Variants in TF observed in about 807,000 individuals in gnomAD.
TF encodes the protein serotransferrin.
Under a neutral mutation model 82.4 loss-of-function variants are expected in TF, and 55 were observed. The ratio of observed to expected loss-of-function variants is 0.67; its 90% CI spans 0.54 to 0.84. The LOEUF (loss-of-function observed/expected upper bound fraction) is 0.84, where lower values mean the gene tolerates loss of function less well. TF is among the 40% of genes least tolerant of loss of function. TF has a pLI of 0.00. For missense variants in TF, 737 were observed against 868.4 expected, an observed-to-expected ratio of 0.85 and a Z score of 1.90; for synonymous variants, 332 against 332.6, an observed-to-expected ratio of 1.00 and a Z score of 0.02.
In TF at chr3:133,794,546, C is replaced by T. The variant is rs1490302284; in HGVS notation, c.*15926C>T. 1 of 152,172 alleles carries T rather than the reference C, an allele frequency of 6.6e-6. No individual in the cohort carries two copies. The highest frequency in any genetic ancestry group is 2.4e-5 in the African/African-American group (1 of 41,442). 9.4% of individuals were successfully genotyped at this position (152,172 alleles called of 1,614,324 possible). A position where few individuals can be genotyped will look rare whatever the true frequency, so the allele number is the denominator to read the frequency against. On this transcript the variant is annotated 3_prime_UTR_variant, in exon 17 of 17. Transcript: ENST00000402696. ...TATGGTTCACTGAGGACAATCAACT[C>T]CTTCACAACCTAGAAACTGAAGATT...
chr3:133,744,640 G>A (rs760490695), upstream of TF, among the ~76,000 whole-genome samples: 18 of 152,184 alleles, frequency 1.2e-4, no homozygotes, highest in Non-Finnish European at 2.6e-4. Context: ...GAGTAAGACA[G>A]GGCAGCAGTG....
chr3:133,670,694 T>C, the TF span, among the ~76,000 whole-genome samples: 148 of 152,368 alleles, frequency 9.7e-4, no homozygotes, highest in Non-Finnish European at 1.7e-3. Flanking sequence ...ATCTGTTTGA[T>C]TTTTTGAGCC....
At chr3:133,758,099 A>G (rs1933890329) in intron 8 of TF, among the ~76,000 whole-genome samples, 153 bp downstream of exon 8, 1 of 152,184 alleles carries the variant, frequency 6.6e-6, no homozygotes, top group Non-Finnish European at 1.5e-5. Flanking sequence ...CTGATGCTGA[A>G]TGGCGTTAGT....
chr3:133,712,259 C>G, the TF span, among the ~76,000 whole-genome samples: 3 of 152,298 alleles, frequency 2.0e-5, no homozygotes, highest in South Asian at 2.1e-4. Context: ...CTGTGCCTCT[C>G]TAGACTCTTC....
At chr3:133,726,755 G>A in the TF span, among the ~76,000 whole-genome samples, 2 of 152,132 alleles carry the variant, frequency 1.3e-5, no homozygotes, top group East Asian at 3.8e-4. Flanking sequence ...ATGTTAGGGT[G>A]TCAATTTTGG....
At chr3:133,695,158 G>T in the TF span, among the ~76,000 whole-genome samples, 18 of 152,044 alleles carry the variant, frequency 1.2e-4, no homozygotes, top group African/African-American at 3.9e-4. Flanking sequence ...CTGCATGGGG[G>T]AGAAGTGAGG....
intron 5 of TF, 148 bp from the exon 6 acceptor site, chr3:133,756,134 G>A (rs1315844502): frequency 1.4e-6 from 1 of 734,512 alleles, no homozygotes; most frequent in Non-Finnish European, 2.4e-6. Context: ...CACTACGCTG[G>A]AGGTCTGCAC....
Position 133,784,634 on chromosome 3 carries a change from A to G in TF, c.*6014A>G, listed in dbSNP as rs1934610920. On this transcript the variant is annotated 3_prime_UTR_variant, in exon 17 of 17. Transcript: ENST00000402696. ...TAGAGCAGGAGTCCCCAACCCCTGG[A>G]TCTAGGTTGCACGCTCCTTATGAGA... is the stretch of plus-strand genomic sequence containing the variant. The G allele has an allele frequency of 6.6e-6, 1 of 152,096 alleles. No individual in the cohort carries two copies. Among genetic ancestry groups the G allele is most frequent in the Non-Finnish European group, 1.5e-5 (1 of 68,034 alleles). 9.4% of individuals were successfully genotyped at this position (152,096 alleles called of 1,614,324 possible).
At chr3:133,702,931 G>T in the TF span, among the ~76,000 whole-genome samples, 1 of 152,024 alleles carries the variant, frequency 6.6e-6, no homozygotes, top group South Asian at 2.1e-4. Context: ...ATATAACATT[G>T]CCTGGCATAT....
the TF span, among the ~76,000 whole-genome samples, chr3:133,726,006 C>A: frequency 4.1e-3 from 624 of 152,290 alleles, no homozygotes; most frequent in Admixed American, 7.0e-3. Flanking sequence ...AGGGATGAAG[C>A]CCACTTGATC....
At chr3:133,690,763 G>A in the TF span, among the ~76,000 whole-genome samples, 2 of 152,172 alleles carry the variant, frequency 1.3e-5, no homozygotes, top group Non-Finnish European at 2.9e-5. Context: ...AAAGATGTAT[G>A]TAAAGTGGGA....
the TF span, among the ~76,000 whole-genome samples, chr3:133,720,744 A>C: frequency 6.6e-6 from 1 of 152,066 alleles, no homozygotes; most frequent in Non-Finnish European, 1.5e-5. Flanking sequence ...CTTTGATGGA[A>C]GATTTTTTAT....
rs1237610043 is a variant in TF, at chr3:133,790,834, G to A, written c.*12214G>A. 1 of 152,132 alleles carries A rather than the reference G, an allele frequency of 6.6e-6. No individual in the cohort carries two copies. The highest frequency in any genetic ancestry group is 1.5e-5 in the Non-Finnish European group (1 of 68,010). 9.4% of individuals were successfully genotyped at this position (152,132 alleles called of 1,614,324 possible). ...TTCTTGATTGCACAGGATGTATGGT[G>A]ATATTGGTGAACTTAAGGATACTGA... On this transcript the variant is annotated 3_prime_UTR_variant, in exon 17 of 17. Coordinates refer to ENST00000402696, the MANE Select transcript of TF (RefSeq NM_001063.4).
chr3:133,765,487 C>A (rs1934104748), intron 11 of TF, among the ~76,000 whole-genome samples: 1 of 152,190 alleles, frequency 6.6e-6, no homozygotes, highest in Non-Finnish European at 1.5e-5. Context: ...AGTCTTACAC[C>A]AAGGTGAGCA....
At chr3:133,746,761 CA>C (rs925316802) in intron 1 of TF, among the ~76,000 whole-genome samples, 2 of 152,218 alleles carry the variant, frequency 1.3e-5, no homozygotes, top group African/African-American at 2.4e-5. Flanking sequence ...ACCAGGTTAT[CA>C]AAACCCTTTG....
chr3:133,721,654 A>C, the TF span, among the ~76,000 whole-genome samples: 3 of 152,190 alleles, frequency 2.0e-5, no homozygotes, highest in South Asian at 6.2e-4. Context: ...TTTTGTCTAA[A>C]TAATCTGTTC....
Position 133,781,211 on chromosome 3 carries a change from G to A in TF, c.*2591G>A, listed in dbSNP as rs1461481179. On this transcript the variant is annotated 3_prime_UTR_variant, in exon 17 of 17. Coordinates refer to ENST00000402696, the MANE Select transcript of TF (RefSeq NM_001063.4). ...CATGCCTGTAATCCCAGCTACTCGG[G>A]AGGCTGAGGCGGGAGAATTGCTTGA... The A allele has an allele frequency of 6.6e-6, 1 of 152,126 alleles. No individual in the cohort carries two copies. Among genetic ancestry groups the A allele is most frequent in the Non-Finnish European group, 1.5e-5 (1 of 68,088 alleles). 9.4% of individuals were successfully genotyped at this position (152,126 alleles called of 1,614,324 possible).
chr3:133,743,420 T>A (rs1388622325), upstream of TF, among the ~76,000 whole-genome samples: 1 of 151,998 alleles, frequency 6.6e-6, no homozygotes, highest in African/African-American at 2.4e-5. Context: ...GCTGGGAGTC[T>A]CATGTCTGTC....
chr3:133,677,939 C>A, the TF span, among the ~76,000 whole-genome samples: 2 of 152,252 alleles, frequency 1.3e-5, no homozygotes, highest in Admixed American at 1.3e-4. Flanking sequence ...TATACACATG[C>A]CATGGTGGTT....
Sources: allele counts gnomAD v4.1 joint callset (sites outside exome capture counted in the v4.1 genomes callset), GRCh38; gene constraint gnomAD v4.1.1; transcripts MANE v1.5; gene names NCBI Gene and HGNC (gene_info 2026-07-23, HGNC 2026-07-21).